Variants in ECH1 observed in about 807,000 individuals in gnomAD.
The protein encoded by ECH1 is enoyl-CoA hydratase 1, also known as delta(3,5)-Delta(2,4)-dienoyl-CoA isomerase, mitochondrial.
A neutral mutation model predicts 37.0 loss-of-function variants in ECH1; 30 were observed. The observed-to-expected ratio is 0.81, with a 90% CI of 0.61 to 1.10. The LOEUF is 1.10. Among genes scored for constraint, ECH1 ranks in the 50% least tolerant of loss-of-function variants. ECH1 has a pLI of 0.00. For missense variants in ECH1, 456 were observed against 441.6 expected (o/e 1.03, Z -0.29); for synonymous variants, 178 against 176.0 (o/e 1.01, Z -0.09).
intron 1 of ECH1, 46 bp downstream of exon 1, chr19:38,831,675 C>A: frequency 1.2e-6 from 2 of 1,611,082 alleles, no homozygotes; most frequent in Non-Finnish European, 1.7e-6. Context: ...TCTGCTATAA[C>A]AGCACGACAG....
In ECH1 at chr19:38,831,421, C is replaced by T. The variant is rs770372026; in HGVS notation, c.148G>A (p.Ala50Thr). ...AGGGACTCATAGCTGTGGTCTGGGG[C>T]TTCACCGAGGGCTACTCCGGAAGCC... ...EEASGVALGEAPDHSYESLRV... is the reference protein window; with the variant it reads ...EEASGVALGETPDHSYESLRV... The change falls in exon 2 of 10, where the codon GCC (alanine) becomes ACC (threonine). Residue 50 changes from alanine to threonine, a missense_variant. Physicochemically the swap from Ala to Thr is moderately conservative, Grantham distance 58 (BLOSUM62 0). Transcript: ENST00000221418. 14 of 1,614,054 alleles carry T rather than the reference C, an allele frequency of 8.7e-6. No homozygotes were observed. The Admixed American group carries it at 2.0e-4, about 23-fold the overall frequency.
Position 38,818,932 on chromosome 19 carries a change from T to TGTGTGTGTGC in ECH1, c.350-1358_350-1357insGCACACACAC, listed in dbSNP as rs144733422. ...GTGTGTGTGTGTGTGTGTGTGTGTG[T>TGTGTGTGTGC]GCACTGTTCCCAACCTGTTACTTTG... On this transcript the variant is annotated intron_variant, in intron 3 of 9. Transcript: ENST00000221418. Among the ~76,000 whole-genome samples the TGTGTGTGTGC allele has an allele frequency of 2.3e-3, 328 of 142,856 alleles. 2 individuals carry two copies. The highest frequency in any genetic ancestry group is 7.5e-3 in the African/African-American group (287 of 38,342). 93.7% of individuals were successfully genotyped at this position (142,856 alleles called of 152,430 possible).
rs373701186 is a variant in ECH1 at position 38,817,376 on chromosome 19, C to T, written c.475-12G>A. The T allele has an allele frequency of 1.9e-5, 31 of 1,600,094 alleles. No individual in the cohort carries two copies. The highest frequency in any genetic ancestry group is 2.4e-5 in the Non-Finnish European group (28 of 1,173,502). On this transcript the variant is annotated splice_polypyrimidine_tract_variant and intron_variant, in intron 4 of 9. Coordinates refer to ENST00000221418, the MANE Select transcript of ECH1 (RefSeq NM_001398.3). ...ACGGGCTTGGGGCACTGAGAGGGAA[C>T]AGGAAGAGTGGGGTCAGGGCTGGCC...
rs767207211 is a variant in ECH1, at chr19:38,816,339, C to T, written c.676G>A (p.Ala226Thr). The T allele has an allele frequency of 6.8e-6, 11 of 1,613,846 alleles. No individual in the cohort carries two copies. Among genetic ancestry groups the T allele is most frequent in the Admixed American group, 3.3e-5 (2 of 60,002 alleles). ...GCCATCATCTTGCGGGCGGTGAAGG[C>T]CAGCTCGTTGACCAGGCTGCAAAGG... ...IGNQSLVNEL[A>T]FTARKMMADE... The change falls in exon 8 of 10, where the codon GCC becomes ACC. Residue 226 changes from alanine (A) to threonine (T), a missense_variant. By Grantham distance (58) the Ala-to-Thr change is moderately conservative. Coordinates refer to ENST00000221418, the MANE Select transcript of ECH1 (RefSeq NM_001398.3).
At chr19:38,826,254 C>T (rs1418505253) in intron 3 of ECH1, among the ~76,000 whole-genome samples, 2 of 152,162 alleles carry the variant, frequency 1.3e-5, no homozygotes, top group Non-Finnish European at 2.9e-5. Context: ...TTGTTGTCCC[C>T]CTACTTGTGG....
At chr19:38,816,416 G>A in intron 7 of ECH1, 37 bp downstream of exon 7, 1 of 1,613,836 alleles carries the variant, frequency 6.2e-7, no homozygotes, top group Non-Finnish European at 8.5e-7. Flanking sequence ...GATGCTCTGG[G>A]GTCTCCTGCC....
Position 38,831,127 on chromosome 19 carries a change from A to T in ECH1, c.300T>A (p.Ala100=). ...VECFNKISRD[A]DCRAVVISGA... is the part of the protein sequence containing the mutation. ...CAGAGATCACCACCGCCCGACAGTC[A>T]GCGTCTCTCGAAATCTTGTTGAAGC... Residue 100 remains alanine (A), a synonymous_variant, in exon 3 of 10, where the codon GCT becomes GCA. Coordinates refer to ENST00000221418, the MANE Select transcript of ECH1 (RefSeq NM_001398.3). The T allele has an allele frequency of 6.2e-7, 1 of 1,614,150 alleles. No individual in the cohort carries two copies. The highest frequency in any genetic ancestry group is 8.5e-7 in the Non-Finnish European group (1 of 1,180,028).
intron 3 of ECH1, 112 bp from the exon 4 acceptor site, chr19:38,817,687 G>T: frequency 2.1e-5 from 30 of 1,421,286 alleles, no homozygotes; most frequent in Admixed American, 5.9e-5. Flanking sequence ...CACCAAGGCG[G>T]AAAAAAAACA....
At chr19:38,818,204 C>T in intron 3 of ECH1, 1 of 984,322 alleles carries the variant, frequency 1.0e-6, no homozygotes, top group Non-Finnish European at 1.2e-6. Flanking sequence ...GCTCCAGAGG[C>T]CATGCTTTTC....
At chr19:38,816,421 C>G (rs1227316305) in intron 7 of ECH1, 32 bp downstream of exon 7, 3 of 1,613,970 alleles carry the variant, frequency 1.9e-6, no homozygotes, top group Admixed American at 3.3e-5. Flanking sequence ...TCTGGGGTCT[C>G]CTGCCCACAC....
At chr19:38,818,932 T>TGTGTGTGTGTGC (rs144733422) in intron 3 of ECH1, among the ~76,000 whole-genome samples, 49 of 142,858 alleles carry the variant, frequency 3.4e-4, no homozygotes, top group African/African-American at 1.1e-3. Context: ...TGTGTGTGTG[T>TGTGTGTGTGTGC]GCACTGTTCC....
At chr19:38,821,242 A>G (rs1971657120) in intron 3 of ECH1, among the ~76,000 whole-genome samples, 1 of 152,120 alleles carries the variant, frequency 6.6e-6, no homozygotes, top group Admixed American at 6.5e-5. Context: ...CAGGAGGTGG[A>G]GGCTGCAGTG....
At chr19:38,831,660 C>G in intron 1 of ECH1, 61 bp downstream of exon 1, 1 of 1,605,266 alleles carries the variant, frequency 6.2e-7, no homozygotes, top group Non-Finnish European at 8.5e-7. Flanking sequence ...CCTCCCCGTC[C>G]TACATCTGCT....
chr19:38,816,941 TG>T, intron 6 of ECH1, 123 bp downstream of exon 6: 1 of 1,118,218 alleles, frequency 8.9e-7, no homozygotes, highest in Non-Finnish European at 1.3e-6. Flanking sequence ...ACTTCCTCTA[TG>T]GGCAAGTCTT....
chr19:38,826,212 A>G (rs975444694), intron 3 of ECH1, among the ~76,000 whole-genome samples: 5 of 152,140 alleles, frequency 3.3e-5, no homozygotes, highest in Admixed American at 2.0e-4. Context: ...TGGAGCTATT[A>G]TCTACATCAA....
intron 6 of ECH1, 107 bp from the exon 7 acceptor site, chr19:38,816,630 C>T (rs1487256958): frequency 7.5e-7 from 1 of 1,325,268 alleles, no homozygotes; most frequent in Non-Finnish European, 1.1e-6. Flanking sequence ...GCCCCACCTT[C>T]ACCCCAGTGA....
At chr19:38,831,047 G>C (rs748309275) in intron 3 of ECH1, 31 bp downstream of exon 3, 3 of 1,595,422 alleles carry the variant, frequency 1.9e-6, no homozygotes, top group Non-Finnish European at 2.6e-6. Flanking sequence ...AGCTAGGAAG[G>C]CTGGCAGGGT....
chr19:38,830,954 CAAAAA>C (rs574213368), intron 3 of ECH1, 119 bp downstream of exon 3: 115 of 696,642 alleles, frequency 1.7e-4, no homozygotes, highest in Non-Finnish European at 1.9e-4. Flanking sequence ...GACCCCGTCT[CAAAAA>C]AAAAAAAAAA....
In ECH1 at chr19:38,815,500, C is replaced by T. The variant is rs995481165; in HGVS notation, c.*113G>A. On this transcript the variant is annotated 3_prime_UTR_variant, in exon 10 of 10. Transcript: ENST00000221418. ...AAACTCATTGTCATAAAGTTATAAA[C>T]TGGGAAACTGGGTCAGAAGGCATAG... 10 of 986,150 alleles carry T rather than the reference C, an allele frequency of 1.0e-5. No individual in the cohort carries two copies. Among genetic ancestry groups the T allele is most frequent in the African/African-American group, 3.2e-5 (2 of 61,816 alleles). 61.1% of individuals were successfully genotyped at this position (986,150 alleles called of 1,614,324 possible).
Sources: allele counts gnomAD v4.1 joint callset (sites outside exome capture counted in the v4.1 genomes callset), GRCh38; gene constraint gnomAD v4.1.1; transcripts MANE v1.5; gene names NCBI Gene and HGNC (gene_info 2026-07-23, HGNC 2026-07-21).